The following ADGRG6 variants were observed in gnomAD, a reference collection of about 807,000 sequenced individuals.
ADGRG6 encodes the protein G-protein coupled receptor 126.
A neutral mutation model predicts 142.4 loss-of-function variants in ADGRG6; 84 were observed. The observed-to-expected ratio is 0.59, with a 90% confidence interval of 0.49 to 0.71. The LOEUF is 0.71. Among genes scored for constraint, ADGRG6 ranks in the 30% least tolerant of loss-of-function variants. The pLI is 0.00. For missense variants in ADGRG6, 1,367 were observed against 1,466.6 expected (o/e 0.93, Z 1.11); for synonymous variants, 521 against 520.5 (o/e 1.00, Z -0.01).
In ADGRG6 at chr6:142,367,602, C is replaced by T. The variant is rs1781007294; in HGVS notation, c.137C>T (p.Ser46Phe). ...WGCANCRVVL[S>F]NPSGTFTSPC... ...TGTGCCAACTGCCGAGTGGTTTTGTCCAACCCTTCTGGGACCTTTACTTCT... is the reference window on the plus strand; with the variant it reads ...TGTGCCAACTGCCGAGTGGTTTTGTTCAACCCTTCTGGGACCTTTACTTCT... The change falls in exon 3 of 25, where the codon TCC (serine) becomes TTC (phenylalanine). Residue 46 changes from serine to phenylalanine, a missense_variant. Physicochemically the swap from Ser to Phe is radical, Grantham distance 155 (BLOSUM62 -2). This residue lies in a region of ADGRG6 where 737 missense variants were observed against 746.5 expected (regional missense o/e 0.99). Transcript: ENST00000367609. 5 of 1,613,560 alleles carry T rather than the reference C, an allele frequency of 3.1e-6. No homozygotes were observed. Among genetic ancestry groups the T allele is most frequent in the Non-Finnish European group, 4.2e-6 (5 of 1,179,802 alleles).
intron 19 of ADGRG6, 77 bp from the exon 20 acceptor site, chr6:142,415,719 G>A: frequency 3.0e-6 from 3 of 1,001,250 alleles, no homozygotes; most frequent in Admixed American, 4.0e-5. Context: ...TATAAGATAC[G>A]AATTTATACA....
chr6:142,417,451 G>A (rs1347830578), intron 21 of ADGRG6, 82 bp downstream of exon 21: 8 of 690,720 alleles, frequency 1.2e-5, no homozygotes, highest in Middle Eastern at 3.7e-4. Context: ...CAATAACAAG[G>A]CTTTCATTTT....
At chr6:142,372,512 T>C (rs1205534807) in intron 4 of ADGRG6, among the ~76,000 whole-genome samples, 2 of 152,178 alleles carry the variant, frequency 1.3e-5, no homozygotes, top group Non-Finnish European at 2.9e-5. Flanking sequence ...GTGTGGTCCA[T>C]GGCACTCCTA....
chr6:142,442,129 A>T (rs185149338), intron 24 of ADGRG6, among the ~76,000 whole-genome samples: 32 of 152,332 alleles, frequency 2.1e-4, no homozygotes, highest in African/African-American at 7.0e-4. Flanking sequence ...TCACATACTG[A>T]GTCCAGCATA....
At chr6:142,429,379 A>G (rs3817928) in intron 22 of ADGRG6, among the ~76,000 whole-genome samples, 29,864 of 152,008 alleles carry the variant, frequency 0.2, 2,961 homozygotes, top group South Asian at 0.23. Context: ...TGACCCACCA[A>G]TTCAGTCCCT....
chr6:142,411,268 C>T, intron 17 of ADGRG6, 37 bp from the exon 18 acceptor site: 1 of 1,108,844 alleles, frequency 9.0e-7, no homozygotes, highest in East Asian at 2.4e-5. Context: ...AGAAACTGAC[C>T]TGCTGTTTTC....
chr6:142,367,638 C>T lies in ADGRG6; in HGVS notation c.173C>T (p.Pro58Leu). Residue 58 changes from proline to leucine, a missense_variant, in exon 3 of 25, where the codon CCT (proline) becomes CTT (leucine). By Grantham distance (98) the Pro-to-Leu change is moderately conservative (BLOSUM62 -3). Transcript: ENST00000367609. ...PSGTFTSPCY[P>L]NDYPNSQACM... ...GGGACCTTTACTTCTCCATGCTACC[C>T]TAACGACTACCCAAACAGCCAGGCT... The T allele has an allele frequency of 1.2e-6, 2 of 1,613,838 alleles. 1 individual carries two copies. The highest frequency in any genetic ancestry group is 2.2e-5 in the South Asian group (2 of 91,072).
intron 4 of ADGRG6, among the ~76,000 whole-genome samples, chr6:142,371,765 A>G (rs1034112144): frequency 1.6e-4 from 25 of 152,090 alleles, no homozygotes; most frequent in African/African-American, 4.8e-4. Flanking sequence ...GATTACAGGC[A>G]TGAGCCACCG....
chr6:142,328,624 T>C (rs1778897691), intron 2 of ADGRG6, among the ~76,000 whole-genome samples: 1 of 152,184 alleles, frequency 6.6e-6, no homozygotes, highest in Non-Finnish European at 1.5e-5. Context: ...GTTTCAATTA[T>C]AAGTATTGCC....
intron 2 of ADGRG6, among the ~76,000 whole-genome samples, chr6:142,338,013 C>CTTTGTTTTTTTTTTTTGTTTGTTTGTTTT (rs1779408285): frequency 3.8e-5 from 1 of 26,078 alleles, no homozygotes; most frequent in African/African-American, 1.8e-4. Context: ...TGCCTTGTAT[C>CTTTGTTTTTTTTTTTTGTTTGTTTGTTTT]TTTGTTTTTT....
chr6:142,372,738 A>C (rs567745503), intron 4 of ADGRG6, among the ~76,000 whole-genome samples: 3 of 152,292 alleles, frequency 2.0e-5, no homozygotes, highest in African/African-American at 7.2e-5. Flanking sequence ...AAATTGAGAA[A>C]GTCAGGTGTG....
At chr6:142,407,501 A>G (rs184188260) in intron 15 of ADGRG6, among the ~76,000 whole-genome samples, 1 of 152,332 alleles carries the variant, frequency 6.6e-6, no homozygotes, top group East Asian at 1.9e-4. Flanking sequence ...ATACAAGGGA[A>G]AGAAAAAAAT....
intron 2 of ADGRG6, among the ~76,000 whole-genome samples, chr6:142,343,534 T>TA (rs1396328357): frequency 6.6e-6 from 1 of 151,894 alleles, no homozygotes; most frequent in African/African-American, 2.4e-5. Context: ...TATTTAGAGA[T>TA]ACATCTTTTA....
chr6:142,395,188 G>A (rs1474252395), intron 9 of ADGRG6, among the ~76,000 whole-genome samples: 5 of 151,984 alleles, frequency 3.3e-5, no homozygotes, highest in African/African-American at 1.2e-4. Context: ...AGGGAAACTT[G>A]TTTTTATTTT....
Position 142,390,325 on chromosome 6 carries a change from G to C in ADGRG6, c.1290G>C (p.Gln430His). ...TTCGTCACCCTGAGGTAAAAGTACA[G>C]AGCAAGGTGGCAGAATGGGTAAGTG... is the stretch of plus-strand genomic sequence containing the variant. ...NILRHPEVKV[Q>H]SKVAEWLNST... The change falls in exon 7 of 25, where the codon CAG becomes CAC. Residue 430 changes from glutamine to histidine, a missense_variant. Physicochemically the swap from Gln to His is conservative, Grantham distance 24. Around this residue, in one of 3 missense-constraint regions of ADGRG6, gnomAD observed 737 missense variants for 746.5 expected, o/e 0.99. Transcript: ENST00000367609. 6.3e-7 allele frequency: 1 copy of C among 1,594,990 alleles called. No individual in the cohort carries two copies.
intron 15 of ADGRG6, among the ~76,000 whole-genome samples, chr6:142,407,650 T>C (rs1434692101): frequency 6.6e-6 from 1 of 152,196 alleles, no homozygotes; most frequent in African/African-American, 2.4e-5. Context: ...GTAGAAGTCC[T>C]GGATGGGACT....
chr6:142,396,701 C>G (rs973119755), intron 9 of ADGRG6, among the ~76,000 whole-genome samples: 2 of 152,102 alleles, frequency 1.3e-5, no homozygotes, highest in African/African-American at 4.8e-5. Flanking sequence ...TTCATTTCTC[C>G]TCTGAATATG....
At chr6:142,335,205 A>G (rs766060925) in intron 2 of ADGRG6, among the ~76,000 whole-genome samples, 57 of 152,194 alleles carry the variant, frequency 3.7e-4, no homozygotes, top group Non-Finnish European at 5.0e-4. Context: ...CTTGAATTTC[A>G]GGTTTAGATG....
chr6:142,425,399 A>G (rs1017768124), intron 22 of ADGRG6, among the ~76,000 whole-genome samples: 1 of 152,182 alleles, frequency 6.6e-6, no homozygotes, highest in African/African-American at 2.4e-5. Flanking sequence ...GCTACAAAAT[A>G]CTCATCATTG....
Sources: allele counts gnomAD v4.1 joint callset (sites outside exome capture counted in the v4.1 genomes callset), GRCh38; gene constraint gnomAD v4.1.1; regional missense constraint gnomAD v4.1.1; transcripts MANE v1.5; gene names NCBI Gene and HGNC (gene_info 2026-07-23, HGNC 2026-07-21).